SOD2: variants seen among roughly 807,000 people sequenced by gnomAD.
SOD2 encodes superoxide dismutase [Mn], mitochondrial.
SOD2 carries 11 observed loss-of-function variants against 27.0 expected under a neutral mutation model. The observed-to-expected ratio is 0.41, with a 90% confidence interval of 0.26 to 0.67. SOD2 has a LOEUF of 0.67. Ranked by LOEUF, SOD2 falls within the 30% of genes least tolerant of loss-of-function variation. The pLI is 0.34. For synonymous variants in SOD2, 105 were observed against 103.0 expected (o/e 1.02, Z -0.12); for missense variants, 250 against 274.5 (o/e 0.91, Z 0.63).
intron 1 of SOD2, chr6:159,754,928 T>C (rs1212571805): frequency 1.3e-5 from 16 of 1,232,356 alleles, no homozygotes; most frequent in Non-Finnish European, 1.6e-5. Context: ...ATTTGTTTAC[T>C]TGAGCGTTTA....
chr6:159,694,367 T>G (rs1256892214), upstream of SOD2, among the ~76,000 whole-genome samples: 2 of 152,142 alleles, frequency 1.3e-5, no homozygotes, highest in Non-Finnish European at 2.9e-5. Flanking sequence ...GCTGAACCGT[T>G]TCCGTTGCTT....
intron 2 of SOD2, chr6:159,692,187 C>T: frequency 3.4e-6 from 1 of 290,726 alleles, no homozygotes; most frequent in Non-Finnish European, 6.3e-6. Flanking sequence ...TCAGAGACAC[C>T]TGCGGACCCG....
intron 1 of SOD2, among the ~76,000 whole-genome samples, chr6:159,705,607 T>C (rs985339981): frequency 2.0e-5 from 3 of 152,106 alleles, no homozygotes; most frequent in African/African-American, 7.2e-5. Context: ...CCAAGAAATA[T>C]GGGACTATGT....
At chr6:159,731,749 G>A (rs1037066528), upstream of SOD2, among the ~76,000 whole-genome samples, 1 of 152,162 alleles carries the variant, frequency 6.6e-6, no homozygotes, top group African/African-American at 2.4e-5. Flanking sequence ...GGCCCTGGTT[G>A]TGGTAATTCT....
chr6:159,707,835 A>T (rs1163339380), intron 1 of SOD2, among the ~76,000 whole-genome samples: 2 of 152,178 alleles, frequency 1.3e-5, no homozygotes, highest in Non-Finnish European at 2.9e-5. Context: ...TTTTAGACCA[A>T]TATCCCTGAT....
At chr6:159,726,225 A>G (rs1778164866) in intron 1 of SOD2, 1 of 152,424 alleles carries the variant, frequency 6.6e-6, no homozygotes, top group Non-Finnish European at 1.5e-5. Context: ...AGGTGGAGCG[A>G]CTTTCTATGT....
At chr6:159,698,806 T>C (rs1777476165) in intron 1 of SOD2, among the ~76,000 whole-genome samples, 1 of 150,654 alleles carries the variant, frequency 6.6e-6, no homozygotes, top group African/African-American at 2.4e-5. Context: ...AAGAAAAAAA[T>C]AAGAAAATCA....
intron 1 of SOD2, among the ~76,000 whole-genome samples, chr6:159,710,533 G>T (rs1777714731): frequency 1.3e-5 from 2 of 152,112 alleles, no homozygotes; most frequent in African/African-American, 4.8e-5. Context: ...CATTATACGG[G>T]ATATACTAGA....
chr6:159,697,802 CT>C (rs1199718754), upstream of SOD2, among the ~76,000 whole-genome samples: 1 of 152,238 alleles, frequency 6.6e-6, no homozygotes, highest in African/African-American at 2.4e-5. Flanking sequence ...CAGTTGACCC[CT>C]GAATGATGCA....
intron 1 of SOD2, among the ~76,000 whole-genome samples, chr6:159,753,768 C>T (rs927694918): frequency 2.6e-5 from 4 of 152,196 alleles, no homozygotes; most frequent in Admixed American, 6.5e-5. Flanking sequence ...TAGTTGAGTC[C>T]GCAAACAAAG....
chr6:159,682,761 T>C, intron 4 of SOD2, 123 bp from the exon 5 acceptor site: 2 of 891,514 alleles, frequency 2.2e-6, no homozygotes, highest in East Asian at 3.0e-5. Flanking sequence ...TCTCATTCAC[T>C]TGTTTTTTTA....
In SOD2 at chr6:159,681,325, G is replaced by A. The variant is rs952501689; in HGVS notation, c.*1168C>T. On this transcript the variant is annotated 3_prime_UTR_variant, in exon 5 of 5. Coordinates refer to ENST00000538183, the MANE Select transcript of SOD2 (RefSeq NM_000636.4). Reference sequence around the variant, plus strand: ...TCAAACAATAGCCAGGGAAGTTAGAGTCACCTAGAGACATCCTTAACACGT... The same window carrying A: ...TCAAACAATAGCCAGGGAAGTTAGAATCACCTAGAGACATCCTTAACACGT... 3.9e-5 allele frequency: 6 copies of A among 152,000 alleles called. No homozygotes were observed. Among genetic ancestry groups the A allele is most frequent in the African/African-American group, 9.7e-5 (4 of 41,378 alleles). The allele number at this position is 152,000 out of a possible 1,614,324, so 9.4% of individuals were successfully genotyped here.
chr6:159,762,034 G>C, exon 1 of SOD2: 1 of 1,601,112 alleles, frequency 6.2e-7, no homozygotes, highest in Non-Finnish European at 8.5e-7. Context: ...CTGCGAGGAG[G>C]AGCTTTGCCT....
intron 1 of SOD2, among the ~76,000 whole-genome samples, chr6:159,734,061 T>C (rs910255025): frequency 5.3e-5 from 8 of 152,208 alleles, no homozygotes; most frequent in Admixed American, 3.9e-4. Flanking sequence ...AATGTTTCAT[T>C]TATAAAGTGG....
intron 1 of SOD2, chr6:159,743,893 C>CT (rs1779407932): frequency 2.4e-6 from 3 of 1,263,080 alleles, no homozygotes; most frequent in Admixed American, 3.2e-5. Context: ...AATATAAGAG[C>CT]TTATCTTTTA....
chr6:159,737,665 A>G (rs980328195), intron 1 of SOD2, among the ~76,000 whole-genome samples: 6 of 150,558 alleles, frequency 4.0e-5, no homozygotes, highest in Middle Eastern at 6.9e-3. Flanking sequence ...TAATTTTTGT[A>G]TTTTTTGGTA....
intron 1 of SOD2, chr6:159,753,406 C>T (rs1313327616): frequency 6.2e-7 from 1 of 1,611,680 alleles, no homozygotes; most frequent in South Asian, 1.1e-5. Flanking sequence ...TAATTGTAAG[C>T]AAAGACAGAG....
upstream of SOD2, among the ~76,000 whole-genome samples, chr6:159,749,989 C>G (rs540726796): frequency 6.6e-6 from 1 of 152,158 alleles, no homozygotes; most frequent in East Asian, 1.9e-4. Context: ...CTTAAGTTCT[C>G]TCTTAATCAT....
chr6:159,732,746 T>G (rs1474016469), intron 1 of SOD2, among the ~76,000 whole-genome samples: 2 of 151,908 alleles, frequency 1.3e-5, no homozygotes, highest in Non-Finnish European at 2.9e-5. Flanking sequence ...ATCGCTTGAA[T>G]CCAGGCGGTG....
Sources: allele counts gnomAD v4.1 joint callset (sites outside exome capture counted in the v4.1 genomes callset), GRCh38; gene constraint gnomAD v4.1.1; transcripts MANE v1.5; gene names NCBI Gene and HGNC (gene_info 2026-07-23, HGNC 2026-07-21).